The following HMGA2 variants were observed in gnomAD, a reference collection of about 807,000 sequenced individuals.
HMGA2 encodes the protein high mobility group protein HMGI-C.
Under a neutral mutation model 19.1 loss-of-function variants are expected in HMGA2, and 8 were observed. The ratio of observed to expected loss-of-function variants is 0.42; its 90% CI spans 0.25 to 0.76. The LOEUF is 0.76. HMGA2 is among the 30% of genes least tolerant of loss of function. The probability of loss-of-function intolerance (pLI) is 0.28; values close to 1 mark genes in which losing one functional copy is unlikely to be tolerated. For synonymous variants in HMGA2, 60 were observed against 48.8 expected, an observed-to-expected ratio of 1.23 and a Z score of -0.96; for missense variants, 109 against 136.3, an observed-to-expected ratio of 0.80 and a Z score of 1.00.
chr12:65,900,645 A>G (rs540923128), intron 3 of HMGA2, among the ~76,000 whole-genome samples: 9 of 152,310 alleles, frequency 5.9e-5, no homozygotes, highest in African/African-American at 2.2e-4. Flanking sequence ...CACAGGGACA[A>G]TTTTATTTTT....
chr12:65,842,649 T>C (rs764297266), intron 3 of HMGA2: 36 of 1,534,838 alleles, frequency 2.3e-5, no homozygotes, highest in Non-Finnish European at 3.1e-5. Flanking sequence ...TTTGGTGTCA[T>C]GTGGTGTTCA....
chr12:65,899,364 A>G (rs1445421117), intron 3 of HMGA2, among the ~76,000 whole-genome samples: 2 of 152,136 alleles, frequency 1.3e-5, no homozygotes, highest in African/African-American at 2.4e-5. Context: ...TCCCATAATG[A>G]CTTCCGATCC....
intron 3 of HMGA2, among the ~76,000 whole-genome samples, chr12:65,878,893 A>G (rs1185364382): frequency 1.3e-5 from 2 of 152,238 alleles, no homozygotes; most frequent in Non-Finnish European, 2.9e-5. Context: ...CAGGCTAGAA[A>G]TGGGTTTCTC....
At chr12:65,852,337 A>G (rs1422447518) in intron 3 of HMGA2, among the ~76,000 whole-genome samples, 2 of 151,928 alleles carry the variant, frequency 1.3e-5, no homozygotes, top group African/African-American at 2.4e-5. Flanking sequence ...TCTCTACTAA[A>G]GAAAAAAATA....
In HMGA2 at chr12:65,825,242, CAGCGGCGGT is replaced by C. The variant is rs1431433385; in HGVS notation, c.-20_-12del. ...CGGGGCGGTCGAGGCGAAGCGGCTG[CAGCGGCGGT>C]AGCGGCGGCGGGAGGCAGGATGAGC... On this transcript the variant is annotated 5_prime_UTR_variant, in exon 1 of 5. Transcript: ENST00000403681. This position sits in a 1 kb window ranked among gnomAD's most constrained non-coding sequence, Gnocchi z 4.4. 19 of 1,511,466 alleles carry C rather than the reference CAGCGGCGGT, an allele frequency of 1.3e-5. No homozygotes were observed. In the East Asian group the frequency reaches 2.3e-4, roughly 18 times the overall value. The allele number at this position is 1,511,466 out of a possible 1,614,324, so 93.6% of individuals were successfully genotyped here.
At chr12:65,898,286 T>G (rs1231886171) in intron 3 of HMGA2, among the ~76,000 whole-genome samples, 2 of 152,178 alleles carry the variant, frequency 1.3e-5, no homozygotes, top group Non-Finnish European at 2.9e-5. Context: ...AGCAGCACTT[T>G]ATTCATTTTT....
chr12:65,956,656 C>T (rs2121322070), intron 4 of HMGA2: 1 of 152,176 alleles, frequency 6.6e-6, no homozygotes, highest in South Asian at 2.1e-4. Flanking sequence ...ACTTATAAAA[C>T]TCCAAAAAGC....
chr12:65,848,748 C>T (rs988324764), intron 3 of HMGA2, among the ~76,000 whole-genome samples: 1 of 151,830 alleles, frequency 6.6e-6, no homozygotes, highest in Non-Finnish European at 1.5e-5. Context: ...CCCAGCTACT[C>T]GGGAGGCTGA....
intron 3 of HMGA2, among the ~76,000 whole-genome samples, chr12:65,902,775 T>C (rs1314931126): frequency 2.0e-5 from 3 of 152,210 alleles, no homozygotes; most frequent in African/African-American, 7.2e-5. Flanking sequence ...TACAACCAAA[T>C]TTTTGACCTG....
At chr12:65,866,914 G>A (rs779016583) in intron 3 of HMGA2, 14 of 456,816 alleles carry the variant, frequency 3.1e-5, no homozygotes, top group African/African-American at 2.6e-4. Context: ...TTTTCTTTCT[G>A]CTGCTGTCAA....
At chr12:65,910,334 T>G (rs1222749668) in intron 3 of HMGA2, among the ~76,000 whole-genome samples, 1 of 152,234 alleles carries the variant, frequency 6.6e-6, no homozygotes. Flanking sequence ...TTTTCTTTTT[T>G]GTTCAATAAT....
chr12:65,860,584 G>A (rs894567023), intron 3 of HMGA2, among the ~76,000 whole-genome samples: 2 of 152,182 alleles, frequency 1.3e-5, no homozygotes, highest in African/African-American at 4.8e-5. Context: ...ACCTAGGACT[G>A]TGGTATACAG....
chr12:65,879,741 A>G (rs1009092282), intron 3 of HMGA2, among the ~76,000 whole-genome samples: 3 of 152,216 alleles, frequency 2.0e-5, no homozygotes, highest in Non-Finnish European at 4.4e-5. Context: ...TTAAATGTCT[A>G]TATTGAGCGT....
intron 3 of HMGA2, among the ~76,000 whole-genome samples, chr12:65,949,250 C>T (rs1419250388): frequency 6.6e-6 from 1 of 151,424 alleles, no homozygotes; most frequent in Non-Finnish European, 1.5e-5. Context: ...AGTACCTTGC[C>T]ATTTATTTTA....
chr12:65,866,478 T>C (rs1394462220), intron 3 of HMGA2, among the ~76,000 whole-genome samples: 1 of 152,142 alleles, frequency 6.6e-6, no homozygotes, highest in African/African-American at 2.4e-5. Context: ...TAACAGCAGA[T>C]AGGACAAGAG....
chr12:65,849,782 G>C (rs542831877), intron 3 of HMGA2, among the ~76,000 whole-genome samples: 1 of 132,636 alleles, frequency 7.5e-6, no homozygotes, highest in South Asian at 2.4e-4. Context: ...GCAATGGCGC[G>C]ATCCTGGCTT....
At chr12:65,881,708 C>T (rs1317643742) in intron 3 of HMGA2, 2 of 701,928 alleles carry the variant, frequency 2.8e-6, no homozygotes, top group East Asian at 2.7e-5. Context: ...TGAAGGAGAG[C>T]TTCACTCACT....
chr12:65,853,048 G>C (rs1325474234), intron 3 of HMGA2, among the ~76,000 whole-genome samples: 1 of 152,188 alleles, frequency 6.6e-6, no homozygotes, highest in East Asian at 1.9e-4. Context: ...ATCCCAGGCA[G>C]GAGAGGACAA....
At chr12:65,841,731 G>A (rs537959139) in intron 3 of HMGA2, among the ~76,000 whole-genome samples, 1 of 152,122 alleles carries the variant, frequency 6.6e-6, no homozygotes, top group Admixed American at 6.5e-5. Flanking sequence ...GGGATATTTT[G>A]CTTTGTTTTA....
Sources: allele counts gnomAD v4.1 joint callset (sites outside exome capture counted in the v4.1 genomes callset), GRCh38; gene constraint gnomAD v4.1.1; non-coding constraint Gnocchi (gnomAD v3.1); transcripts MANE v1.5; gene names NCBI Gene and HGNC (gene_info 2026-07-23, HGNC 2026-07-21).